The following STAT5B variants were observed in gnomAD, a reference collection of about 807,000 sequenced individuals.
The protein encoded by STAT5B is transcription factor STAT5B.
Under a neutral mutation model 107.8 loss-of-function variants are expected in STAT5B, and 21 were observed. The ratio of observed to expected loss-of-function variants is 0.19; its 90% CI spans 0.14 to 0.28. STAT5B has a LOEUF of 0.28. Ranked by LOEUF, STAT5B falls within the 10% of genes least tolerant of loss-of-function variation. The pLI is 1.00. For missense variants in STAT5B, 565 were observed against 1,008.2 expected, an observed-to-expected ratio of 0.56 and a Z score of 5.95; for synonymous variants, 325 against 401.7, an observed-to-expected ratio of 0.81 and a Z score of 2.28.
the STAT5B span, among the ~76,000 whole-genome samples, chr17:42,283,730 C>T: frequency 1.9e-4 from 29 of 152,354 alleles, no homozygotes; most frequent in South Asian, 5.6e-3. Context: ...CAGAAGTCCT[C>T]ACCCTGTGCA....
intron 5 of STAT5B, among the ~76,000 whole-genome samples, chr17:42,220,821 G>A (rs2080219383): frequency 6.6e-6 from 1 of 152,130 alleles, no homozygotes. Flanking sequence ...AAGACACAGG[G>A]AACGTGGAAC....
At chr17:42,251,191 T>G (rs79425113) in intron 1 of STAT5B, among the ~76,000 whole-genome samples, 1 of 152,132 alleles carries the variant, frequency 6.6e-6, no homozygotes, top group Admixed American at 6.5e-5. Context: ...TTCATTCTTT[T>G]AAATCAATCA....
At position 42,227,617 on chromosome 17, in the gene STAT5B, T is replaced by C. The variant is rs750520285; in HGVS notation, c.197A>G (p.Gln66Arg). The C allele has an allele frequency of 1.4e-5, 22 of 1,614,078 alleles. No individual in the cohort carries two copies. The highest frequency in any genetic ancestry group is 1.7e-5 in the Non-Finnish European group (20 of 1,180,000). The change falls in exon 3 of 19, where the codon CAG becomes CGG. Residue 66 changes from glutamine to arginine, a missense_variant. This residue lies in a region of STAT5B where 83 missense variants were observed against 145.1 expected (regional missense o/e 0.57). Coordinates refer to ENST00000293328, the MANE Select transcript of STAT5B (RefSeq NM_012448.4). ...KATQLLEGLVQELQKKAEHQV... is the reference protein window; with the variant it reads ...KATQLLEGLVRELQKKAEHQV... ...GTGCTCTGCCTTCTTCTGCAGCTCCTGCACCAGGCCCTCCAGGAGCTGGGT... is the reference window on the plus strand; with the variant it reads ...GTGCTCTGCCTTCTTCTGCAGCTCCCGCACCAGGCCCTCCAGGAGCTGGGT...
At chr17:42,203,292 G>C (rs1341617110) in intron 16 of STAT5B, among the ~76,000 whole-genome samples, 2 of 152,092 alleles carry the variant, frequency 1.3e-5, no homozygotes, top group Non-Finnish European at 2.9e-5. Flanking sequence ...GAGAAGGTCA[G>C]CACTAAAACT....
chr17:42,207,515 ACACACACAC>A (rs759482311), intron 16 of STAT5B, 34 bp downstream of exon 16: 30 of 1,604,196 alleles, frequency 1.9e-5, no homozygotes, highest in Middle Eastern at 3.3e-4. Context: ...ACACACACAC[ACACACACAC>A]AACAAAATCA....
intron 1 of STAT5B, among the ~76,000 whole-genome samples, chr17:42,256,629 G>A (rs2080547088): frequency 1.3e-5 from 2 of 152,032 alleles, no homozygotes; most frequent in Non-Finnish European, 2.9e-5. Context: ...GGAGGCTGAG[G>A]CGAGCAGGTC....
Position 42,214,171 on chromosome 17 carries a change from A to G in STAT5B, c.1473+1843T>C, listed in dbSNP as rs79972887. On this transcript the variant is annotated intron_variant, in intron 12 of 18. Coordinates refer to ENST00000293328, the MANE Select transcript of STAT5B (RefSeq NM_012448.4). Reference sequence around the variant, plus strand: ...AAAATTAAAAAAAAAAAAATAGCATAAGATGTAAGTAGTCATTAACATAGC... The same window carrying G: ...AAAATTAAAAAAAAAAAAATAGCATGAGATGTAAGTAGTCATTAACATAGC... 2,966 of 974,118 alleles carry G rather than the reference A, an allele frequency of 3.0e-3. 72 individuals carry two copies. The African/African-American group carries it at 0.046, about 15-fold the overall frequency. 60.3% of individuals were successfully genotyped at this position (974,118 alleles called of 1,614,324 possible).
intron 5 of STAT5B, among the ~76,000 whole-genome samples, chr17:42,221,509 C>A (rs1048676540): frequency 1.3e-5 from 2 of 152,212 alleles, no homozygotes; most frequent in Non-Finnish European, 2.9e-5. Context: ...AGATCCAAAC[C>A]CAACCTGAAT....
chr17:42,280,737 T>TGGGCTCTGCAGTTTCGGA (rs2080792066), upstream of STAT5B, among the ~76,000 whole-genome samples: 1 of 152,140 alleles, frequency 6.6e-6, no homozygotes, highest in African/African-American at 2.4e-5. Flanking sequence ...CGGTTTGGAA[T>TGGGCTCTGCAGTTTCGGA]GGGCTCTGCA....
the STAT5B span, among the ~76,000 whole-genome samples, chr17:42,286,469 G>A: frequency 1.3e-5 from 2 of 152,054 alleles, no homozygotes; most frequent in African/African-American, 4.8e-5. Context: ...TAGGACCTAG[G>A]ACTACCCACA....
chr17:42,243,713 TC>T (rs1436432686), intron 1 of STAT5B, among the ~76,000 whole-genome samples: 1 of 152,056 alleles, frequency 6.6e-6, no homozygotes, highest in African/African-American at 2.4e-5. Context: ...GGGCAAACAT[TC>T]CAAAAAAGAA....
At chr17:42,264,105 T>C (rs1306294032) in intron 1 of STAT5B, among the ~76,000 whole-genome samples, 4 of 152,198 alleles carry the variant, frequency 2.6e-5, no homozygotes, top group Non-Finnish European at 5.9e-5. Context: ...TACACAGGTG[T>C]AATAAATGAT....
Position 42,218,180 on chromosome 17 carries a change from C to A in STAT5B, c.1140G>T (p.Lys380Asn). ...KATIISEQQAKSLLKNENTRN... is the reference protein window; with the variant it reads ...KATIISEQQANSLLKNENTRN... ...GGGTGTTCTCGTTCTTGAGCAGAGA[C>A]TTGGCCTGCTGCTCACTGATGATGG... Residue 380 changes from lysine to asparagine, a missense_variant, in exon 9 of 19, where the codon AAG becomes AAT. Around this residue, in one of 11 missense-constraint regions of STAT5B, gnomAD observed 70 missense variants for 73.2 expected, o/e 0.96. Coordinates refer to ENST00000293328, the MANE Select transcript of STAT5B (RefSeq NM_012448.4). 6.2e-7 allele frequency: 1 copy of A among 1,614,164 alleles called. No homozygotes were observed. The highest frequency in any genetic ancestry group is 8.5e-7 in the Non-Finnish European group (1 of 1,180,036).
intron 1 of STAT5B, among the ~76,000 whole-genome samples, chr17:42,272,989 T>C (rs990578822): frequency 3.9e-5 from 6 of 152,210 alleles, no homozygotes; most frequent in African/African-American, 1.4e-4. Context: ...CATAGGCTTT[T>C]CAGTAGCAGA....
intron 12 of STAT5B, chr17:42,214,106 G>A (rs1441644092): frequency 4.8e-6 from 3 of 620,432 alleles, no homozygotes; most frequent in East Asian, 1.4e-4. Flanking sequence ...TAATGCCACT[G>A]TACTCCAGCC....
At chr17:42,230,738 G>A (rs1268446926) in intron 2 of STAT5B, among the ~76,000 whole-genome samples, 2 of 151,798 alleles carry the variant, frequency 1.3e-5, no homozygotes, top group Admixed American at 1.3e-4. Context: ...TCGGCTCACT[G>A]CAACCTCTGC....
At chr17:42,254,684 T>C (rs2080527023) in intron 1 of STAT5B, among the ~76,000 whole-genome samples, 2 of 134,158 alleles carry the variant, frequency 1.5e-5, no homozygotes, top group African/African-American at 5.6e-5. Flanking sequence ...AAAATGAGAA[T>C]GAAAAAGAAA....
At chr17:42,218,073 C>T in intron 9 of STAT5B, 78 bp downstream of exon 9, 1 of 1,558,932 alleles carries the variant, frequency 6.4e-7, no homozygotes, top group Non-Finnish European at 8.7e-7. Flanking sequence ...GGATCTGACA[C>T]AGGAGGCAGA....
chr17:42,218,884 C>A lies in STAT5B; in HGVS notation c.834-6G>T. 1 of 1,613,796 alleles carries A rather than the reference C, an allele frequency of 6.2e-7. No individual in the cohort carries two copies. Among genetic ancestry groups the A allele is most frequent in the Non-Finnish European group, 8.5e-7 (1 of 1,179,848 alleles). On this transcript the variant is annotated splice_polypyrimidine_tract_variant and splice_region_variant and intron_variant, in intron 7 of 18. Transcript: ENST00000293328. ...TCTCGGCCAACTTCTCACACCTGCA[C>A]GAGAGCCCCAAGGCCAACAGGAGGA...
Sources: allele counts gnomAD v4.1 joint callset (sites outside exome capture counted in the v4.1 genomes callset), GRCh38; gene constraint gnomAD v4.1.1; regional missense constraint gnomAD v4.1.1; transcripts MANE v1.5; gene names NCBI Gene and HGNC (gene_info 2026-07-23, HGNC 2026-07-21).